AFF1: variants seen among roughly 807,000 people sequenced by gnomAD.
AFF1 encodes ALF transcription elongation factor 1.
A neutral mutation model predicts 121.7 loss-of-function variants in AFF1; 48 were observed. That is an observed-to-expected ratio of 0.39 (90% confidence interval 0.31 to 0.50). The LOEUF (loss-of-function observed/expected upper bound fraction) is 0.50. AFF1 is among the 20% of genes least tolerant of loss of function. AFF1 has a pLI of 0.76. For synonymous variants in AFF1, 613 were observed against 563.0 expected (o/e 1.09, Z -1.26); for missense variants, 1,523 against 1,511.7 (o/e 1.01, Z -0.12).
intron 2 of AFF1, among the ~76,000 whole-genome samples, chr4:86,981,372 TTTTC>T (rs1457179836): frequency 4.6e-5 from 7 of 151,102 alleles, no homozygotes; most frequent in Admixed American, 1.3e-4. Context: ...GGTTTATTTA[TTTTC>T]TTTATTTTTG....
chr4:87,083,099 T>TATG (rs1384184701), intron 4 of AFF1, among the ~76,000 whole-genome samples: 1 of 152,206 alleles, frequency 6.6e-6, no homozygotes, highest in African/African-American at 2.4e-5. Flanking sequence ...TTGAAAACCA[T>TATG]ATGTTCCATG....
At chr4:87,099,386 T>C (rs1235275364) in intron 8 of AFF1, among the ~76,000 whole-genome samples, 1 of 152,196 alleles carries the variant, frequency 6.6e-6, no homozygotes, top group Non-Finnish European at 1.5e-5. Context: ...TATTAAAATG[T>C]TTTTCACTAA....
At position 87,131,133 on chromosome 4, in the gene AFF1, C is replaced by T. The variant is rs752547141; in HGVS notation, c.3015C>T (p.Phe1005=). Reference sequence around the variant, plus strand: ...AGTACCTGGAAGCCGTCTTGTCCTTCATTGAGTGCGGAATTGCCACAGAGT... The same window carrying T: ...AGTACCTGGAAGCCGTCTTGTCCTTTATTGAGTGCGGAATTGCCACAGAGT... ...AFKYLEAVLS[F]IECGIATESE... The change falls in exon 17 of 21, where the codon TTC becomes TTT. Residue 1005 remains phenylalanine (F), a synonymous_variant. Coordinates refer to ENST00000395146, the MANE Select transcript of AFF1 (RefSeq NM_001166693.3). 1 of 1,614,204 alleles carries T rather than the reference C, an allele frequency of 6.2e-7. No homozygotes were observed. Among genetic ancestry groups the T allele is most frequent in the East Asian group, 2.2e-5 (1 of 44,880 alleles).
chr4:86,942,436 A>G (rs1409160727), intron 1 of AFF1, among the ~76,000 whole-genome samples: 1 of 152,250 alleles, frequency 6.6e-6, no homozygotes, highest in Non-Finnish European at 1.5e-5. Context: ...AACTCCAGAT[A>G]GTAAGTAGTA....
intron 2 of AFF1, among the ~76,000 whole-genome samples, chr4:87,033,845 A>T (rs1229157293): frequency 1.3e-5 from 2 of 152,136 alleles, no homozygotes; most frequent in Non-Finnish European, 2.9e-5. Flanking sequence ...AAATTTATTT[A>T]AAAAAACTAT....
At chr4:86,954,676 C>G (rs1721614419) in intron 2 of AFF1, among the ~76,000 whole-genome samples, 1 of 152,092 alleles carries the variant, frequency 6.6e-6, no homozygotes, top group South Asian at 2.1e-4. Flanking sequence ...CTGTGGTGAG[C>G]CAAGATTGCA....
chr4:87,134,523 G>A lies in AFF1; in HGVS notation c.3364G>A (p.Val1122Ile), dbSNP rs143181683. The A allele has an allele frequency of 1.5e-5, 24 of 1,613,368 alleles. No homozygotes were observed. The highest frequency in any genetic ancestry group is 6.7e-5 in the African/African-American group (5 of 74,900). The stretch of plus-strand genomic sequence containing the variant: ...CCCAATGCCTTCTCCTGCCAGCTCC[G>A]TAGGGTCCCAGTCAAGTGCTGGCAG... ...LSPMPSPASS[V>I]GSQSSAGSVG... is the part of the protein sequence containing the mutation. Residue 1122 changes from valine to isoleucine, a missense_variant, in exon 20 of 21, where the codon GTA becomes ATA. This residue lies in a region of AFF1 where 241 missense variants were observed against 265.2 expected (regional missense o/e 0.91). Coordinates refer to ENST00000395146, the MANE Select transcript of AFF1 (RefSeq NM_001166693.3).
At chr4:87,090,842 T>G (rs923377880) in intron 6 of AFF1, among the ~76,000 whole-genome samples, 21 of 151,474 alleles carry the variant, frequency 1.4e-4, no homozygotes, top group African/African-American at 4.4e-4. Flanking sequence ...GGCAAAACTT[T>G]GTCTCTCCAA....
At position 87,139,205 on chromosome 4, in the gene AFF1, G is replaced by T. The variant is rs528831479; in HGVS notation, c.*3504G>T. ...TGAGTGAACCCAGTTTTTAAATACCGCTGTGTTTGTTTCGCCATGGCTTCA... is the reference window on the plus strand; with the variant it reads ...TGAGTGAACCCAGTTTTTAAATACCTCTGTGTTTGTTTCGCCATGGCTTCA... On this transcript the variant is annotated 3_prime_UTR_variant, in exon 21 of 21. Transcript: ENST00000395146. 7.3e-5 allele frequency: 17 copies of T among 231,398 alleles called. No individual in the cohort carries two copies. In the South Asian group the frequency reaches 2.0e-3, roughly 27 times the overall value. The allele number at this position is 231,398 out of a possible 1,614,324, so 14.3% of individuals were successfully genotyped here. A position where few individuals can be genotyped will look rare whatever the true frequency, so the allele number is the denominator to read the frequency against.
intron 2 of AFF1, among the ~76,000 whole-genome samples, chr4:87,043,494 A>G (rs1239941380): frequency 6.6e-6 from 1 of 152,226 alleles, no homozygotes; most frequent in Non-Finnish European, 1.5e-5. Context: ...TTCTATGGTT[A>G]TATGCTAATG....
rs57335156 is a variant in AFF1, at chr4:86,949,537, A to ATTATTTT, written c.38+968_38+969insATTTTTT. 396 of 248,280 alleles carry ATTATTTT rather than the reference A, an allele frequency of 1.6e-3. 6 individuals carry two copies. Among genetic ancestry groups the ATTATTTT allele is most frequent in the Non-Finnish European group, 2.1e-3 (314 of 149,588 alleles). 15.4% of individuals were successfully genotyped at this position (248,280 alleles called of 1,614,324 possible). On this transcript the variant is annotated intron_variant, in intron 2 of 20. Coordinates refer to ENST00000395146, the MANE Select transcript of AFF1 (RefSeq NM_001166693.3). ...CTATTTATTAATTATTATTATTATTATTTTTTTTTTTTTTTTTTTCCCGAC... is the reference window on the plus strand; with the variant it reads ...CTATTTATTAATTATTATTATTATTATTATTTTTTTTTTTTTTTTTTTTTTTCCCGAC...
intron 4 of AFF1, among the ~76,000 whole-genome samples, chr4:87,067,508 G>T (rs1022646607): frequency 6.6e-6 from 1 of 152,184 alleles, no homozygotes; most frequent in South Asian, 2.1e-4. Flanking sequence ...GGATTCTAGG[G>T]TGTTGGATTC....
Position 87,126,135 on chromosome 4 carries a change from A to G in AFF1, c.2610A>G (p.Glu870=), listed in dbSNP as rs1728217390. ...CCTCCTCACAGTCCTCAAAGAAGGAAATGCTCCCCCCGCCACCCGTGTCCT... is the reference window on the plus strand; with the variant it reads ...CCTCCTCACAGTCCTCAAAGAAGGAGATGCTCCCCCCGCCACCCGTGTCCT... ...SRPSSQSSKK[E]MLPPPPVSSS... Residue 870 remains glutamate (E), a synonymous_variant, in exon 14 of 21, where the codon GAA becomes GAG. Coordinates refer to ENST00000395146, the MANE Select transcript of AFF1 (RefSeq NM_001166693.3). 6.2e-7 allele frequency: 1 copy of G among 1,614,186 alleles called. No individual in the cohort carries two copies.
chr4:86,977,641 T>C (rs1421212141), intron 2 of AFF1, among the ~76,000 whole-genome samples: 1 of 152,190 alleles, frequency 6.6e-6, no homozygotes, highest in Non-Finnish European at 1.5e-5. Context: ...CGTTTTCCTA[T>C]TGTATTTTAT....
chr4:87,040,363 T>G (rs147679876), intron 2 of AFF1, among the ~76,000 whole-genome samples: 13 of 152,320 alleles, frequency 8.5e-5, no homozygotes, highest in African/African-American at 2.4e-4. Flanking sequence ...ACTAAATTGT[T>G]GATGTGTACC....
intron 2 of AFF1, among the ~76,000 whole-genome samples, chr4:86,963,906 C>T (rs1722332279): frequency 6.6e-6 from 1 of 150,880 alleles, no homozygotes; most frequent in Non-Finnish European, 1.5e-5. Context: ...AAGTGATCTT[C>T]CCACCTTGGC....
At chr4:87,056,275 A>G (rs1720131076) in intron 4 of AFF1, among the ~76,000 whole-genome samples, 1 of 152,214 alleles carries the variant, frequency 6.6e-6, no homozygotes, top group African/African-American at 2.4e-5. Context: ...TTTACAAATA[A>G]TAGAACTCTG....
chr4:87,033,242 C>T (rs1729240915), intron 2 of AFF1, among the ~76,000 whole-genome samples: 1 of 152,268 alleles, frequency 6.6e-6, no homozygotes, highest in Admixed American at 6.5e-5. Flanking sequence ...TATCAATACA[C>T]AGACACTTTT....
chr4:87,028,362 C>G (rs1018943831), intron 2 of AFF1, among the ~76,000 whole-genome samples: 7 of 151,620 alleles, frequency 4.6e-5, no homozygotes, highest in Non-Finnish European at 8.8e-5. Context: ...AGTGTACTGG[C>G]CCATTTTGAC....
Sources: allele counts gnomAD v4.1 joint callset (sites outside exome capture counted in the v4.1 genomes callset), GRCh38; gene constraint gnomAD v4.1.1; regional missense constraint gnomAD v4.1.1; transcripts MANE v1.5; gene names NCBI Gene and HGNC (gene_info 2026-07-23, HGNC 2026-07-21).